PLCH1: variants seen among roughly 807,000 people sequenced by gnomAD.
PLCH1 encodes the protein 1-phosphatidylinositol 4,5-bisphosphate phosphodiesterase eta-1.
In PLCH1, 60 loss-of-function variants were observed where a neutral mutation model predicts 126.7. The observed-to-expected ratio is 0.47, with a 90% confidence interval of 0.38 to 0.59. The LOEUF (loss-of-function observed/expected upper bound fraction) is 0.59. Among genes scored for constraint, PLCH1 ranks in the 20% least tolerant of loss-of-function variants. The pLI, the probability that PLCH1 is intolerant of heterozygous loss-of-function variation, is 0.00. For synonymous variants in PLCH1, 719 were observed against 734.9 expected, an observed-to-expected ratio of 0.98 and a Z score of 0.35; for missense variants, 1,723 against 2,040.0, an observed-to-expected ratio of 0.84 and a Z score of 2.99.
intron 1 of PLCH1, among the ~76,000 whole-genome samples, chr3:155,713,617 T>A (rs1209805397): frequency 6.6e-6 from 1 of 152,158 alleles, no homozygotes; most frequent in Non-Finnish European, 1.5e-5. Context: ...GGAAAAGGAA[T>A]TACTAGTTCA....
intron 10 of PLCH1, among the ~76,000 whole-genome samples, chr3:155,546,472 T>C (rs898766307): frequency 6.6e-6 from 1 of 152,068 alleles, no homozygotes; most frequent in African/African-American, 2.4e-5. Flanking sequence ...CCCAAGGTAA[T>C]TTATAGATTC....
chr3:155,709,706 C>A (rs1038094976), intron 1 of PLCH1, among the ~76,000 whole-genome samples: 2 of 152,128 alleles, frequency 1.3e-5, no homozygotes, highest in African/African-American at 2.4e-5. Flanking sequence ...CAGCCTCGAC[C>A]TCCAGGGCTC....
chr3:155,622,727 T>C lies in PLCH1; in HGVS notation c.80-26349A>G, dbSNP rs184316339. Among the ~76,000 whole-genome samples, 637 of 152,218 alleles carry C rather than the reference T, an allele frequency of 4.2e-3. 1 individual carries two copies. Among genetic ancestry groups the C allele is most frequent in the Admixed American group, 7.0e-3 (107 of 15,292 alleles). ...AGAAGAGCTATCTATCCTAAATATA[T>C]ATGCACTCAACACAGGAGCACTCAG... On this transcript the variant is annotated intron_variant, in intron 2 of 22. Transcript: ENST00000460012.
In PLCH1 at chr3:155,549,856, T is replaced by G. The variant is rs776265951; in HGVS notation, c.1293A>C (p.Ser431=). The G allele has an allele frequency of 4.0e-5, 64 of 1,613,464 alleles. No individual in the cohort carries two copies. In the South Asian group the frequency reaches 6.6e-4, roughly 17 times the overall value. The change falls in exon 10 of 23, where the codon TCA becomes TCC. Residue 431 remains serine, a synonymous_variant. Transcript: ENST00000460012. ...KGIFGDKLDL[S]SVDTGECKQL... is the part of the protein sequence containing the mutation. ...GCTTGCACTCCCCTGTATCAACAGATGACAGGTCCAGTTTGTCTCCGAATA... is the reference window on the plus strand; with the variant it reads ...GCTTGCACTCCCCTGTATCAACAGAGGACAGGTCCAGTTTGTCTCCGAATA...
intron 1 of PLCH1, among the ~76,000 whole-genome samples, chr3:155,707,782 G>A (rs1460779357): frequency 1.3e-5 from 2 of 152,106 alleles, no homozygotes; most frequent in Non-Finnish European, 2.9e-5. Context: ...CCTCTCAGAG[G>A]ATGATCATCC....
At chr3:155,518,061 G>T (rs1720593010) in intron 11 of PLCH1, among the ~76,000 whole-genome samples, 1 of 152,192 alleles carries the variant, frequency 6.6e-6, no homozygotes, top group Non-Finnish European at 1.5e-5. Context: ...ATAGTAATGG[G>T]TGGATACACT....
chr3:155,744,739 T>C (rs1024337502), intron 1 of PLCH1, 101 bp downstream of exon 1: 43 of 152,694 alleles, frequency 2.8e-4, no homozygotes, highest in African/African-American at 9.9e-4. Context: ...GAAAGGAACT[T>C]GGGCCACCTG....
chr3:155,621,853 G>A (rs911505365), intron 2 of PLCH1, among the ~76,000 whole-genome samples: 2 of 152,152 alleles, frequency 1.3e-5, no homozygotes, highest in Non-Finnish European at 2.9e-5. Flanking sequence ...ATATTATCCA[G>A]GAGAACCTCC....
rs148910438 is a variant in PLCH1 at position 155,720,127 on chromosome 3, C to A, written c.-40-15863G>T. Among the ~76,000 whole-genome samples the A allele has an allele frequency of 2.0e-3, 297 of 152,232 alleles. 1 individual carries two copies. Among genetic ancestry groups the A allele is most frequent in the African/African-American group, 7.0e-3 (292 of 41,522 alleles). ...CTTTATCCACTCATTGATTGATGGG[C>A]ATTTGGGCTGTTTCAATATTTTTGC... is the stretch of plus-strand genomic sequence containing the variant. On this transcript the variant is annotated intron_variant, in intron 1 of 22. Coordinates refer to ENST00000460012, the MANE Select transcript of PLCH1 (RefSeq NM_014996.4).
chr3:155,544,168 C>T (rs1418376425), intron 10 of PLCH1, among the ~76,000 whole-genome samples: 2 of 152,026 alleles, frequency 1.3e-5, no homozygotes, highest in African/African-American at 4.8e-5. Context: ...CACACATAGG[C>T]TCAAAATAAA....
At chr3:155,701,704 C>G (rs1746285881) in intron 2 of PLCH1, among the ~76,000 whole-genome samples, 1 of 152,210 alleles carries the variant, frequency 6.6e-6, no homozygotes, top group Non-Finnish European at 1.5e-5. Context: ...CCTTTCTTTT[C>G]TCAGAAATGT....
In PLCH1 at chr3:155,494,534, G is replaced by A. The variant is rs780371693; in HGVS notation, c.1895-17C>T. The A allele has an allele frequency of 6.2e-5, 89 of 1,436,880 alleles. No individual in the cohort carries two copies. Among genetic ancestry groups the A allele is most frequent in the Non-Finnish European group, 8.0e-5 (87 of 1,093,872 alleles). The allele number at this position is 1,436,880 out of a possible 1,614,324, so 89.0% of individuals were successfully genotyped here. A position where few individuals can be genotyped will look rare whatever the true frequency, so the allele number is the denominator to read the frequency against. Reference sequence around the variant, plus strand: ...CTGTGGTTCCTGGCAGTTTTTAATCGAGAAAAAAGGAAGTGAGAACTACAG... The same window carrying A: ...CTGTGGTTCCTGGCAGTTTTTAATCAAGAAAAAAGGAAGTGAGAACTACAG... On this transcript the variant is annotated splice_polypyrimidine_tract_variant and intron_variant, in intron 15 of 22. Coordinates refer to ENST00000460012, the MANE Select transcript of PLCH1 (RefSeq NM_014996.4).
At chr3:155,478,815 AG>A (rs1403985820), downstream of PLCH1, among the ~76,000 whole-genome samples, 1 of 152,190 alleles carries the variant, frequency 6.6e-6, no homozygotes, top group East Asian at 1.9e-4. Flanking sequence ...AACTTTAAGG[AG>A]CAAAGGAAAA....
chr3:155,552,006 G>T (rs892027049), intron 9 of PLCH1, among the ~76,000 whole-genome samples: 4 of 152,114 alleles, frequency 2.6e-5, no homozygotes, highest in Non-Finnish European at 5.9e-5. Flanking sequence ...TAGAAATCAG[G>T]GTTGTAAAGA....
At chr3:155,545,823 T>C (rs1270402211) in intron 10 of PLCH1, among the ~76,000 whole-genome samples, 1 of 152,096 alleles carries the variant, frequency 6.6e-6, no homozygotes, top group Non-Finnish European at 1.5e-5. Flanking sequence ...AAAAGGCCTT[T>C]GACAAAATTC....
At chr3:155,551,925 C>G (rs185733951) in intron 9 of PLCH1, among the ~76,000 whole-genome samples, 4 of 152,118 alleles carry the variant, frequency 2.6e-5, no homozygotes, top group South Asian at 4.1e-4. Flanking sequence ...AGGTGGCAGG[C>G]CTTCTCAACA....
At chr3:155,678,913 T>C (rs979772942) in intron 2 of PLCH1, among the ~76,000 whole-genome samples, 6 of 152,248 alleles carry the variant, frequency 3.9e-5, no homozygotes, top group Middle Eastern at 6.8e-3. Flanking sequence ...TATTTCTGAG[T>C]TCAGCTTCTA....
chr3:155,485,403 G>A lies in PLCH1; in HGVS notation c.2927C>T (p.Pro976Leu), dbSNP rs1008846421. 9 of 1,610,008 alleles carry A rather than the reference G, an allele frequency of 5.6e-6. No individual in the cohort carries two copies. Among genetic ancestry groups the A allele is most frequent in the Non-Finnish European group, 5.9e-6 (7 of 1,176,556 alleles). ...DRNLLGALSLPVSETAKDIEG... is the reference protein window; with the variant it reads ...DRNLLGALSLLVSETAKDIEG... ...AATGTCTTTTGCTGTTTCAGATACA[G>A]GCAGCGACAAAGCTCCCAGAAGGTT... is the stretch of plus-strand genomic sequence containing the variant. Residue 976 changes from proline (P) to leucine (L), a missense_variant, in exon 22 of 23, where the codon CCT becomes CTT. Pro to Leu is a moderately conservative substitution (Grantham distance 98). This residue lies in a region of PLCH1 where 947 missense variants were observed against 977.1 expected (regional missense o/e 0.97). Coordinates refer to ENST00000460012, the MANE Select transcript of PLCH1 (RefSeq NM_014996.4).
intron 10 of PLCH1, among the ~76,000 whole-genome samples, chr3:155,542,128 C>G (rs890568397): frequency 3.3e-5 from 5 of 152,192 alleles, no homozygotes; most frequent in Non-Finnish European, 5.9e-5. Flanking sequence ...TTCCCTTTCC[C>G]AGTCAAAGAA....
Sources: gnomAD v4.1 joint callset for allele counts (sites outside exome capture counted in the v4.1 genomes callset) on GRCh38, gnomAD v4.1.1 for gene constraint, gnomAD v4.1.1 regional missense constraint, MANE v1.5 for transcripts, NCBI Gene and HGNC (gene_info 2026-07-23, HGNC 2026-07-21) for gene names.